Variants in CLEC3A observed in about 807,000 individuals in gnomAD.
The protein encoded by CLEC3A is C-type (calcium dependent, carbohydrate-recognition domain) lectin, superfamily member 1 (cartilage-derived).
CLEC3A carries 28 observed loss-of-function variants against 20.4 expected under a neutral mutation model. The observed-to-expected ratio is 1.37, with a 90% CI of 1.02 to 1.88. The LOEUF (loss-of-function observed/expected upper bound fraction) is 1.88, where lower values mean the gene tolerates loss of function less well. Ranked by LOEUF, CLEC3A falls within the 40% of genes most tolerant of loss-of-function variation. The pLI is 0.00. For missense variants in CLEC3A, 357 were observed against 240.4 expected (o/e 1.48, Z -3.21); for synonymous variants, 110 against 88.1 (o/e 1.25, Z -1.39).
chr16:78,025,800 T>C lies in CLEC3A; in HGVS notation c.116-2307T>C, dbSNP rs75220401. ...GTACATAAAAGACATCTATATCAGCTACAAAGGATGGAAGCTACAGCCAAG... is the reference window on the plus strand; with the variant it reads ...GTACATAAAAGACATCTATATCAGCCACAAAGGATGGAAGCTACAGCCAAG... On this transcript the variant is annotated intron_variant, in intron 1 of 2. Transcript: ENST00000299642. Among the ~76,000 whole-genome samples the C allele has an allele frequency of 6.4e-3, 973 of 152,234 alleles. 7 individuals carry two copies. The highest frequency in any genetic ancestry group is 0.022 in the African/African-American group (909 of 41,500).
chr16:78,023,634 G>C (rs890313349), intron 1 of CLEC3A, among the ~76,000 whole-genome samples: 1 of 152,016 alleles, frequency 6.6e-6, no homozygotes, highest in East Asian at 1.9e-4. Flanking sequence ...TTTCAGCAAG[G>C]TTACAGTCTA....
intron 2 of CLEC3A, among the ~76,000 whole-genome samples, 174 bp from the exon 3 acceptor site, chr16:78,030,273 A>G (rs2030053284): frequency 6.6e-6 from 1 of 152,124 alleles, no homozygotes; most frequent in African/African-American, 2.4e-5. Flanking sequence ...AGGATTATGT[A>G]ACTTAATTTA....
At chr16:78,028,084 T>G (rs371212110) in intron 1 of CLEC3A, 23 bp from the exon 2 acceptor site, 75 of 1,551,028 alleles carry the variant, frequency 4.8e-5, no homozygotes, top group Non-Finnish European at 6.1e-5. Context: ...ACCTACCCCA[T>G]CCCACCCTAA....
chr16:78,027,981 T>G (rs1305938045), intron 1 of CLEC3A, 126 bp from the exon 2 acceptor site: 1 of 720,722 alleles, frequency 1.4e-6, no homozygotes, highest in Non-Finnish European at 2.4e-6. Flanking sequence ...CATTATTTTT[T>G]GTATACACTG....
intron 2 of CLEC3A, chr16:78,029,135 A>G: frequency 2.2e-6 from 1 of 455,948 alleles, no homozygotes; most frequent in South Asian, 1.6e-5. Context: ...GAGGAAAATG[A>G]GGCACAAAGA....
Position 78,031,148 on chromosome 16 carries a change from T to A in CLEC3A, c.*307T>A, listed in dbSNP as rs572281459. On this transcript the variant is annotated 3_prime_UTR_variant, in exon 3 of 3. Transcript: ENST00000299642. ...ACAAACCCAGTTTGTTTTCAAAAAA[T>A]CACAGTAGCAATGCAACTCATCACT... is the stretch of plus-strand genomic sequence containing the variant. 1.6e-4 allele frequency: 38 copies of A among 243,314 alleles called. No homozygotes were observed. Among genetic ancestry groups the A allele is most frequent in the African/African-American group, 8.4e-4 (37 of 44,248 alleles). The allele number at this position is 243,314 out of a possible 1,614,324, so 15.1% of individuals were successfully genotyped here. A position where few individuals can be genotyped will look rare whatever the true frequency, so the allele number is the denominator to read the frequency against.
intron 1 of CLEC3A, among the ~76,000 whole-genome samples, chr16:78,026,670 G>A (rs74395646): frequency 0.027 from 4,070 of 152,246 alleles, 69 homozygotes; most frequent in African/African-American, 0.048. Flanking sequence ...AATAATTTTT[G>A]TTATGATTTA....
intron 1 of CLEC3A, among the ~76,000 whole-genome samples, chr16:78,026,200 C>T (rs2029918341): frequency 1.3e-5 from 2 of 152,244 alleles, no homozygotes; most frequent in Admixed American, 6.5e-5. Flanking sequence ...AGGGGCCACC[C>T]CTGGATATTC....
At position 78,030,585 on chromosome 16, in the gene CLEC3A, C is replaced by T. The variant is rs1412494088; in HGVS notation, c.338C>T (p.Ala113Val). Residue 113 changes from alanine to valine, a missense_variant, in exon 3 of 3, where the codon GCC (alanine) becomes GTC (valine). Transcript: ENST00000299642. Reference sequence around the variant, plus strand: ...CCCAGGAACTCCGACGAAATCAACGCCCTCCAAGACTATGGTAAAAGGAGC... The same window carrying T: ...CCCAGGAACTCCGACGAAATCAACGTCCTCCAAGACTATGGTAAAAGGAGC... ...VIPRNSDEINALQDYGKRSLP... is the reference protein window; with the variant it reads ...VIPRNSDEINVLQDYGKRSLP... 3 of 1,614,158 alleles carry T rather than the reference C, an allele frequency of 1.9e-6. No individual in the cohort carries two copies. Among genetic ancestry groups the T allele is most frequent in the Non-Finnish European group, 2.5e-6 (3 of 1,180,044 alleles).
At chr16:78,026,705 C>T (rs1042437506) in intron 1 of CLEC3A, among the ~76,000 whole-genome samples, 1 of 152,210 alleles carries the variant, frequency 6.6e-6, no homozygotes, top group Non-Finnish European at 1.5e-5. Context: ...GAAGACCTCA[C>T]AAGCTGCCAA....
At chr16:78,028,241 T>C in intron 2 of CLEC3A, 51 bp downstream of exon 2, 1 of 1,372,266 alleles carries the variant, frequency 7.3e-7, no homozygotes, top group Non-Finnish European at 9.9e-7. Flanking sequence ...CAGGAAAATT[T>C]CTGGGTCAAT....
At chr16:78,022,889 T>G in intron 1 of CLEC3A, 148 bp downstream of exon 1, 1 of 756,680 alleles carries the variant, frequency 1.3e-6, no homozygotes, top group Admixed American at 3.2e-5. Flanking sequence ...GGGGATTAAG[T>G]GAACTTGTAA....
At chr16:78,024,567 A>G (rs2018788904) in intron 1 of CLEC3A, among the ~76,000 whole-genome samples, 1 of 152,158 alleles carries the variant, frequency 6.6e-6, no homozygotes, top group African/African-American at 2.4e-5. Flanking sequence ...CCCCCAGTAT[A>G]GTTTTTGCTA....
At chr16:78,029,519 C>G (rs915774142) in intron 2 of CLEC3A, among the ~76,000 whole-genome samples, 1 of 152,032 alleles carries the variant, frequency 6.6e-6, no homozygotes, top group Admixed American at 6.5e-5. Flanking sequence ...TAGGCACACA[C>G]CACCACATCC....
In CLEC3A at chr16:78,026,211, C is replaced by T. The variant is rs539553903; in HGVS notation, c.116-1896C>T. ...AGGCAGGGGCCACCCCTGGATATTC[C>T]AGAAGACAGCTTCCTAACCCAAATG... On this transcript the variant is annotated intron_variant, in intron 1 of 2. Transcript: ENST00000299642. Among the ~76,000 whole-genome samples, 38 of 152,286 alleles carry T rather than the reference C, an allele frequency of 2.5e-4. No individual in the cohort carries two copies. The South Asian group carries it at 7.7e-3, about 31-fold the overall frequency.
chr16:78,028,547 G>A (rs368925957), intron 2 of CLEC3A, among the ~76,000 whole-genome samples: 9 of 152,276 alleles, frequency 5.9e-5, no homozygotes, highest in South Asian at 2.1e-4. Context: ...GGACTCTCTC[G>A]GGCCACACCC....
intron 1 of CLEC3A, among the ~76,000 whole-genome samples, chr16:78,026,169 A>T (rs2029912244): frequency 6.6e-6 from 1 of 152,252 alleles, no homozygotes; most frequent in African/African-American, 2.4e-5. Context: ...ACTGATGTGT[A>T]GCATTAAGTA....
In CLEC3A at chr16:78,028,157, A is replaced by T; in HGVS notation, c.166A>T (p.Asn56Tyr). The change falls in exon 2 of 3, where the codon AAT becomes TAT. Residue 56 changes from asparagine to tyrosine, a missense_variant. Physicochemically the swap from Asn to Tyr is moderately radical, Grantham distance 143. Transcript: ENST00000299642. ...TQIEKLWTEV[N>Y]ALKEIQALQT... ...AATTGAAAAGCTCTGGACAGAAGTC[A>T]ATGCCTTGAAGGAAATTCAAGCCCT... is the stretch of plus-strand genomic sequence containing the variant. 2.5e-6 allele frequency: 4 copies of T among 1,611,294 alleles called. No homozygotes were observed. Among genetic ancestry groups the T allele is most frequent in the Non-Finnish European group, 3.4e-6 (4 of 1,179,346 alleles).
chr16:78,023,646 T>G (rs2018776898), intron 1 of CLEC3A, among the ~76,000 whole-genome samples: 2 of 152,194 alleles, frequency 1.3e-5, no homozygotes, highest in African/African-American at 2.4e-5. Context: ...TACAGTCTAT[T>G]TCACATGACA....
Sources: gnomAD v4.1 joint callset for allele counts (sites outside exome capture counted in the v4.1 genomes callset) on GRCh38, gnomAD v4.1.1 for gene constraint, MANE v1.5 for transcripts, NCBI Gene and HGNC (gene_info 2026-07-23, HGNC 2026-07-21) for gene names.